Variants in CNTNAP5 observed in about 807,000 individuals in gnomAD.
CNTNAP5 encodes contactin-associated protein-like 5.
A neutral mutation model predicts 150.2 loss-of-function variants in CNTNAP5; 72 were observed. That is an observed-to-expected ratio of 0.48 (90% CI 0.40 to 0.58). The LOEUF is 0.58. Among genes scored for constraint, CNTNAP5 ranks in the 20% least tolerant of loss-of-function variants. CNTNAP5 has a pLI of 0.00. For missense variants in CNTNAP5, 1,636 were observed against 1,626.2 expected (o/e 1.01, Z -0.10); for synonymous variants, 672 against 619.8 (o/e 1.08, Z -1.25).
At chr2:124,786,559 AAG>A (rs1264967486) in intron 17 of CNTNAP5, among the ~76,000 whole-genome samples, 2 of 151,772 alleles carry the variant, frequency 1.3e-5, no homozygotes, top group Non-Finnish European at 1.5e-5. Context: ...GAAAGAAAGA[AAG>A]AAGACAGAGA....
In CNTNAP5 at chr2:124,347,391, T is replaced by G. The variant is rs190028228; in HGVS notation, c.382-70052T>G. Among the ~76,000 whole-genome samples the G allele has an allele frequency of 1.6e-3, 251 of 152,268 alleles. 7 individuals carry two copies. Among genetic ancestry groups the G allele is most frequent in the Admixed American group, 0.015 (227 of 15,308 alleles). On this transcript the variant is annotated intron_variant, in intron 3 of 23. Coordinates refer to ENST00000682447, the MANE Select transcript of CNTNAP5 (RefSeq NM_001367498.1). The stretch of plus-strand genomic sequence containing the variant: ...GGGCGGGGGCACAAGCCCTCTTTGT[T>G]GAGTGGCTAACAGCTCAGTGCAGAC...
At chr2:124,507,616 T>C (rs950185747) in intron 8 of CNTNAP5, among the ~76,000 whole-genome samples, 8 of 152,116 alleles carry the variant, frequency 5.3e-5, no homozygotes, top group Non-Finnish European at 1.0e-4. Flanking sequence ...TTAGAGAGAA[T>C]AAATGACAAA....
intron 2 of CNTNAP5, among the ~76,000 whole-genome samples, chr2:124,238,575 C>T (rs1686808679): frequency 6.6e-6 from 1 of 152,026 alleles, no homozygotes; most frequent in Non-Finnish European, 1.5e-5. Flanking sequence ...GCAAGTGTTC[C>T]CTTTAAGTGT....
At chr2:124,527,053 G>C (rs1159868992) in intron 9 of CNTNAP5, among the ~76,000 whole-genome samples, 1 of 152,080 alleles carries the variant, frequency 6.6e-6, no homozygotes, top group Non-Finnish European at 1.5e-5. Flanking sequence ...TACAGTATTG[G>C]TATTCCCTTT....
At chr2:124,214,546 A>C (rs1289876659) in intron 1 of CNTNAP5, among the ~76,000 whole-genome samples, 1 of 152,172 alleles carries the variant, frequency 6.6e-6, no homozygotes, top group Admixed American at 6.5e-5. Flanking sequence ...AATTGTGTTG[A>C]TGAAACAAAT....
rs371203338 is a variant in CNTNAP5 at position 124,504,577 on chromosome 2, G to C, written c.1327+21G>C. On this transcript the variant is annotated intron_variant, in intron 8 of 23. Transcript: ENST00000682447. ...CACAGGTACTGTCTGCTGACACTCTGGATCAGCTTCTTGTTTATCCAAGTC... is the reference window on the plus strand; with the variant it reads ...CACAGGTACTGTCTGCTGACACTCTCGATCAGCTTCTTGTTTATCCAAGTC... The C allele has an allele frequency of 7.5e-6, 12 of 1,609,318 alleles. No individual in the cohort carries two copies. In the African/African-American group the frequency reaches 1.1e-4, roughly 14 times the overall value.
intron 3 of CNTNAP5, among the ~76,000 whole-genome samples, chr2:124,361,894 G>A (rs1024258216): frequency 1.8e-4 from 25 of 142,464 alleles, no homozygotes; most frequent in African/African-American, 6.2e-4. Context: ...AATGGCGGGC[G>A]CCCCTCCCCC....
intron 7 of CNTNAP5, among the ~76,000 whole-genome samples, chr2:124,494,748 G>A (rs1055431276): frequency 5.3e-5 from 8 of 152,078 alleles, no homozygotes; most frequent in African/African-American, 1.9e-4. Context: ...GTAGTCATTG[G>A]GTTTCAAACC....
chr2:124,216,574 A>T (rs1686162426), intron 1 of CNTNAP5, among the ~76,000 whole-genome samples: 1 of 151,866 alleles, frequency 6.6e-6, no homozygotes, highest in Non-Finnish European at 1.5e-5. Context: ...GGTGTGTGAT[A>T]TTCCCCTTCC....
At chr2:124,714,597 C>T (rs1679907701) in intron 13 of CNTNAP5, among the ~76,000 whole-genome samples, 1 of 151,842 alleles carries the variant, frequency 6.6e-6, no homozygotes, top group South Asian at 2.1e-4. Context: ...CAGAGTAAGC[C>T]CAGAGTAGCT....
intron 13 of CNTNAP5, among the ~76,000 whole-genome samples, chr2:124,679,525 A>G (rs930036859): frequency 1.3e-5 from 2 of 151,682 alleles, no homozygotes; most frequent in Non-Finnish European, 2.9e-5. Context: ...ATGATAAGTG[A>G]CAGAGTTGAT....
At chr2:124,677,643 T>G (rs35661599) in intron 13 of CNTNAP5, among the ~76,000 whole-genome samples, 1 of 150,040 alleles carries the variant, frequency 6.7e-6, no homozygotes, top group Non-Finnish European at 1.5e-5. Context: ...AGACACAGAG[T>G]GCTGATTGGT....
chr2:124,709,086 T>G (rs1016076695), intron 13 of CNTNAP5, among the ~76,000 whole-genome samples: 1 of 152,068 alleles, frequency 6.6e-6, no homozygotes, highest in Non-Finnish European at 1.5e-5. Flanking sequence ...TATTCCATAT[T>G]TTTTCCTGCC....
At chr2:124,245,999 C>G (rs1687012643) in intron 3 of CNTNAP5, among the ~76,000 whole-genome samples, 1 of 152,016 alleles carries the variant, frequency 6.6e-6, no homozygotes, top group South Asian at 2.1e-4. Flanking sequence ...CCCACCATGA[C>G]CTCAGGTTTA....
At chr2:124,628,261 A>T (rs951160895) in intron 12 of CNTNAP5, among the ~76,000 whole-genome samples, 10 of 152,158 alleles carry the variant, frequency 6.6e-5, no homozygotes, top group African/African-American at 2.4e-4. Context: ...GGACATAATC[A>T]TCAGATTCTC....
chr2:124,701,777 AC>A (rs1259691725), intron 13 of CNTNAP5, among the ~76,000 whole-genome samples: 3 of 152,086 alleles, frequency 2.0e-5, no homozygotes, highest in Non-Finnish European at 2.9e-5. Context: ...GATGCTGAGC[AC>A]CTTTACATAT....
At chr2:124,448,126 G>A (rs1051521691) in intron 6 of CNTNAP5, among the ~76,000 whole-genome samples, 2 of 152,022 alleles carry the variant, frequency 1.3e-5, no homozygotes, top group Non-Finnish European at 2.9e-5. Flanking sequence ...AAACTAGCCG[G>A]GCATGGTGGC....
intron 12 of CNTNAP5, among the ~76,000 whole-genome samples, chr2:124,612,162 A>G (rs1677398483): frequency 1.3e-5 from 2 of 152,206 alleles, no homozygotes; most frequent in African/African-American, 4.8e-5. Context: ...GAGGGAAAAA[A>G]GTATGAAGGA....
chr2:124,749,102 G>A (rs539942762), intron 14 of CNTNAP5, among the ~76,000 whole-genome samples: 14 of 152,086 alleles, frequency 9.2e-5, no homozygotes, highest in South Asian at 2.1e-4. Context: ...GAGAATTATC[G>A]CAAGATGGCA....
Sources: gnomAD v4.1 joint callset for allele counts (sites outside exome capture counted in the v4.1 genomes callset) on GRCh38, gnomAD v4.1.1 for gene constraint, MANE v1.5 for transcripts, NCBI Gene and HGNC (gene_info 2026-07-23, HGNC 2026-07-21) for gene names.